Variants in PHKG1 observed in about 807,000 individuals in gnomAD.
PHKG1 encodes phosphorylase kinase catalytic subunit gamma 1, also known as phosphorylase b kinase gamma catalytic chain, skeletal muscle/heart isoform.
A neutral mutation model predicts 50.5 loss-of-function variants in PHKG1; 48 were observed. The ratio of observed to expected loss-of-function variants is 0.95; its 90% confidence interval spans 0.75 to 1.21. The LOEUF is 1.21. Ranked by LOEUF, PHKG1 falls within the 50% of genes most tolerant of loss-of-function variation. PHKG1 has a pLI of 0.00. For synonymous variants in PHKG1, 204 were observed against 212.8 expected (o/e 0.96, Z 0.36); for missense variants, 487 against 519.5 (o/e 0.94, Z 0.61).
chr7:56,086,862 T>C (rs1420141649), intron 4 of PHKG1, 108 bp downstream of exon 4: 7 of 852,840 alleles, frequency 8.2e-6, no homozygotes, highest in Non-Finnish European at 1.4e-5. Flanking sequence ...GTATTTGGCA[T>C]CCTCAGCGCA....
At chr7:56,084,242 C>T in intron 4 of PHKG1, 1 of 1,518,062 alleles carries the variant, frequency 6.6e-7, no homozygotes, top group Non-Finnish European at 8.8e-7. Context: ...AGTGTCTTCC[C>T]ATCTGTGGAA....
chr7:56,088,715 A>G lies in PHKG1; in HGVS notation c.83+144T>C, dbSNP rs73345404. The G allele has an allele frequency of 2.4e-3, 1,476 of 603,496 alleles. 15 individuals are homozygous for G. The highest frequency in any genetic ancestry group is 0.024 in the African/African-American group (1,271 of 54,000). The allele number at this position is 603,496 out of a possible 1,614,324, so 37.4% of individuals were successfully genotyped here. A position where few individuals can be genotyped will look rare whatever the true frequency, so the allele number is the denominator to read the frequency against. On this transcript the variant is annotated intron_variant, in intron 2 of 9. Transcript: ENST00000297373. ...TCTGTCCTGGCTTCAGGAGGGCAGG[A>G]CCCCAAACAAAGGGTTTCTCCAAGT...
intron 1 of PHKG1, among the ~76,000 whole-genome samples, chr7:56,091,943 G>C (rs570931087): frequency 3.9e-4 from 59 of 152,376 alleles, no homozygotes; most frequent in African/African-American, 1.4e-3. Flanking sequence ...TTGCTGGTAA[G>C]TCCTAAGTCC....
rs544908502 is a variant in PHKG1 at position 56,083,054 on chromosome 7, C to T, written c.547+224G>A. On this transcript the variant is annotated intron_variant, in intron 6 of 9. Coordinates refer to ENST00000297373, the MANE Select transcript of PHKG1 (RefSeq NM_006213.5). The stretch of plus-strand genomic sequence containing the variant: ...TCGGGAGGTGGAAGTTGCAGTGAGC[C>T]GAGATTGTGCCACTGCACTCCAGCC... 710 of 454,868 alleles carry T rather than the reference C, an allele frequency of 1.6e-3. 6 individuals carry two copies. Among genetic ancestry groups the T allele is most frequent in the African/African-American group, 0.013 (643 of 49,438 alleles). The allele number at this position is 454,868 out of a possible 1,614,324, so 28.2% of individuals were successfully genotyped here. A position where few individuals can be genotyped will look rare whatever the true frequency, so the allele number is the denominator to read the frequency against.
chr7:56,081,221 C>T lies in PHKG1; in HGVS notation c.997G>A (p.Val333Ile), dbSNP rs753474163. 33 of 1,613,622 alleles carry T rather than the reference C, an allele frequency of 2.0e-5. No individual in the cohort carries two copies. Among genetic ancestry groups the T allele is most frequent in the Middle Eastern group, 1.7e-4 (1 of 6,044 alleles). The change falls in exon 10 of 10, where the codon GTC (valine) becomes ATC (isoleucine). Residue 333 changes from valine to isoleucine, a missense_variant. Transcript: ENST00000297373. This position sits in a 1 kb window ranked among gnomAD's most constrained non-coding sequence, Gnocchi z 4.6. ...CGGAGGGCATAGGGGTCTCGGATGACGATCTCCCGGGTCACAGGCTTCACC... is the reference window on the plus strand; with the variant it reads ...CGGAGGGCATAGGGGTCTCGGATGATGATCTCCCGGGTCACAGGCTTCACC... ...RRVKPVTREI[V>I]IRDPYALRPL...
chr7:56,087,757 T>C lies in PHKG1; in HGVS notation c.103A>G (p.Arg35Gly). The C allele has an allele frequency of 6.2e-7, 1 of 1,612,558 alleles. No homozygotes were observed. The highest frequency in any genetic ancestry group is 8.5e-7 in the Non-Finnish European group (1 of 1,179,934). Reference protein sequence around the residue: ...ILGRGVSSVVRRCIHKPTSQE... With the variant: ...ILGRGVSSVVGRCIHKPTSQE... ...CTCGTGGGCTTGTGGATGCATCGCC[T>C]GACCACACTGCTAACGCCCCTGGGA... Residue 35 changes from arginine to glycine, a missense_variant, in exon 3 of 10, where the codon AGG becomes GGG. Arg to Gly is a moderately radical substitution (Grantham distance 125). Transcript: ENST00000297373.
chr7:56,085,522 ATGGTGGTGATGG>A (rs1796214761), intron 4 of PHKG1, among the ~76,000 whole-genome samples: 2 of 152,208 alleles, frequency 1.3e-5, no homozygotes, highest in African/African-American at 4.8e-5. Context: ...GATGGTGATG[ATGGTGGTGATGG>A]TGATGATGAT....
In PHKG1 at chr7:56,083,282, C is replaced by A; in HGVS notation, c.543G>T (p.Leu181=). The A allele has an allele frequency of 6.2e-7, 1 of 1,613,840 alleles. No individual in the cohort carries two copies. Among genetic ancestry groups the A allele is most frequent in the Non-Finnish European group, 8.5e-7 (1 of 1,179,870 alleles). The change falls in exon 6 of 10, where the codon CTG becomes CTT. Residue 181 remains leucine, a synonymous_variant. Coordinates refer to ENST00000297373, the MANE Select transcript of PHKG1 (RefSeq NM_006213.5). ...FSCQLEPGER[L]REVCGTPSYL... is the part of the protein sequence containing the mutation. ...GCCAAGGCCATGTTACCAGACCTCG[C>A]AGCCTCTCTCCCGGCTCCAGCTGGC...
Position 56,081,727 on chromosome 7 carries a change from T to C in PHKG1, c.821A>G (p.Gln274Arg), listed in dbSNP as rs767133278. Residue 274 changes from glutamine to arginine, a missense_variant, in exon 9 of 10, where the codon CAG becomes CGG. Physicochemically the swap from Gln to Arg is conservative, Grantham distance 43. Coordinates refer to ENST00000297373, the MANE Select transcript of PHKG1 (RefSeq NM_006213.5). The surrounding 1 kb of genome is among the most constrained non-coding windows in gnomAD (Gnocchi z 4.6). ...GGCCTCTTCCGCTGTGTAGCGGTTC[T>C]GGGGTTGCACCACCAGGAATCGGGA... ...LVSRFLVVQP[Q>R]NRYTAEEALA... The C allele has an allele frequency of 6.2e-7, 1 of 1,613,850 alleles. No individual in the cohort carries two copies. The highest frequency in any genetic ancestry group is 8.5e-7 in the Non-Finnish European group (1 of 1,179,840).
intron 6 of PHKG1, 117 bp downstream of exon 6, chr7:56,083,161 G>T: frequency 3.3e-6 from 3 of 897,156 alleles, no homozygotes; most frequent in Non-Finnish European, 3.4e-6. Flanking sequence ...TTGAAATGGT[G>T]GAATTTTTAT....
Position 56,092,895 on chromosome 7 carries a change from G to A in PHKG1, c.-94C>T, listed in dbSNP as rs1434162203. ...CAAGAATCCCAAAGCCCCCCGGGGA[G>A]AGGGGACCACAGAGGGCTGAAGCCG... On this transcript the variant is annotated 5_prime_UTR_variant, in exon 1 of 10. Coordinates refer to ENST00000297373, the MANE Select transcript of PHKG1 (RefSeq NM_006213.5). 2 of 152,270 alleles carry A rather than the reference G, an allele frequency of 1.3e-5. No homozygotes were observed. The highest frequency in any genetic ancestry group is 4.8e-5 in the African/African-American group (2 of 41,464). 9.4% of individuals were successfully genotyped at this position (152,270 alleles called of 1,614,324 possible).
rs373763601 is a variant in PHKG1, at chr7:56,082,245, C to T, written c.556G>A (p.Gly186Arg). The T allele has an allele frequency of 1.9e-5, 30 of 1,612,710 alleles. No individual in the cohort carries two copies. The Admixed American group carries it at 3.3e-4, about 18-fold the overall frequency. The stretch of plus-strand genomic sequence containing the variant: ...TCAGGGGCCAGGTAACTGGGGGTCC[C>T]GCAGACCTCTGCAGGAACAGTCATC... ...EPGERLREVC[G>R]TPSYLAPEII... is the part of the protein sequence containing the mutation. The change falls in exon 7 of 10, where the codon GGG becomes AGG. Residue 186 changes from glycine to arginine, a missense_variant. By Grantham distance (125) the Gly-to-Arg change is moderately radical (BLOSUM62 -2). Transcript: ENST00000297373.
chr7:56,083,796 A>T, intron 4 of PHKG1, 81 bp from the exon 5 acceptor site: 1 of 947,712 alleles, frequency 1.1e-6, no homozygotes, highest in Non-Finnish European at 1.7e-6. Context: ...GCTGCCTTCC[A>T]CCCTGATACC....
chr7:56,081,326 C>G lies in PHKG1; in HGVS notation c.919-27G>C, dbSNP rs1795974906. On this transcript the variant is annotated intron_variant, in intron 9 of 9. Coordinates refer to ENST00000297373, the MANE Select transcript of PHKG1 (RefSeq NM_006213.5). The surrounding 1 kb of genome is among the most constrained non-coding windows in gnomAD (Gnocchi z 4.6). ...TGCAGGGCCAGGCGGAGAAGCTGGG[C>G]TGCAGCCCCCGCCCTGCCAGGCCCT... The G allele has an allele frequency of 1.3e-6, 2 of 1,582,064 alleles. No homozygotes were observed. The highest frequency in any genetic ancestry group is 1.7e-6 in the Non-Finnish European group (2 of 1,170,560).
chr7:56,087,056 A>G (rs774722337), intron 3 of PHKG1, 32 bp from the exon 4 acceptor site: 51 of 1,591,494 alleles, frequency 3.2e-5, no homozygotes, highest in Admixed American at 6.7e-5. Flanking sequence ...TGTCTCAAGT[A>G]GCAGGGGAGC....
In PHKG1 at chr7:56,082,041, C is replaced by G; in HGVS notation, c.644G>C (p.Ser215Thr). The G allele has an allele frequency of 6.2e-7, 1 of 1,612,716 alleles. No homozygotes were observed. Among genetic ancestry groups the G allele is most frequent in the Non-Finnish European group, 8.5e-7 (1 of 1,178,948 alleles). The change falls in exon 8 of 10, where the codon AGC becomes ACC. Residue 215 changes from serine to threonine, a missense_variant. Coordinates refer to ENST00000297373, the MANE Select transcript of PHKG1 (RefSeq NM_006213.5). Reference sequence around the variant, plus strand: ...CAGCGTGTACATGATGACGCCAGTGCTCCACCTGGACATGCGAGGGCCCAG... The same window carrying G: ...CAGCGTGTACATGATGACGCCAGTGGTCCACCTGGACATGCGAGGGCCCAG... Reference protein sequence around the residue: ...PGYGKEVDMWSTGVIMYTLLA... With the variant: ...PGYGKEVDMWTTGVIMYTLLA...
In PHKG1 at chr7:56,081,228, C is replaced by T. The variant is rs1381925012; in HGVS notation, c.990G>A (p.Arg330=). The T allele has an allele frequency of 6.2e-7, 1 of 1,613,702 alleles. No individual in the cohort carries two copies. The highest frequency in any genetic ancestry group is 2.2e-5 in the East Asian group (1 of 44,864). ...CATAGGGGTCTCGGATGACGATCTC[C>T]CGGGTCACAGGCTTCACCCGGCGGT... ...YQYRRVKPVT[R]EIVIRDPYAL... The change falls in exon 10 of 10, where the codon CGG becomes CGA. Residue 330 remains arginine, a synonymous_variant. Transcript: ENST00000297373. The surrounding 1 kb of genome is among the most constrained non-coding windows in gnomAD (Gnocchi z 4.6).
chr7:56,092,230 C>T (rs921985446), intron 1 of PHKG1, among the ~76,000 whole-genome samples: 2 of 152,194 alleles, frequency 1.3e-5, no homozygotes, highest in African/African-American at 4.8e-5. Context: ...CCCCTCACAC[C>T]TTTCCCAAGA....
At chr7:56,084,683 AT>A (rs1210917100) in intron 4 of PHKG1, among the ~76,000 whole-genome samples, 1 of 151,862 alleles carries the variant, frequency 6.6e-6, no homozygotes, top group Non-Finnish European at 1.5e-5. Context: ...GAGTATCCCG[AT>A]TTTTTCCCAG....
Sources: gnomAD v4.1 joint callset for allele counts (sites outside exome capture counted in the v4.1 genomes callset) on GRCh38, gnomAD v4.1.1 for gene constraint, Gnocchi (gnomAD v3.1) non-coding constraint, MANE v1.5 for transcripts, NCBI Gene and HGNC (gene_info 2026-07-23, HGNC 2026-07-21) for gene names.